Variants in CDYL2 observed in about 807,000 individuals in gnomAD.
CDYL2 encodes chromodomain Y like 2, also known as chromodomain Y-like protein 2.
A neutral mutation model predicts 49.4 loss-of-function variants in CDYL2; 23 were observed. That is an observed-to-expected ratio of 0.47 (90% CI 0.34 to 0.66). The LOEUF (loss-of-function observed/expected upper bound fraction) is 0.66. CDYL2 is among the 30% of genes least tolerant of loss of function. The pLI is 0.01. For synonymous variants in CDYL2, 360 were observed against 268.8 expected (o/e 1.34, Z -3.32); for missense variants, 678 against 656.4 (o/e 1.03, Z -0.36).
intron 1 of CDYL2, among the ~76,000 whole-genome samples, chr16:80,729,336 G>A (rs1292597868): frequency 1.3e-5 from 2 of 151,798 alleles, no homozygotes; most frequent in Non-Finnish European, 2.9e-5. Context: ...AACCAACAAA[G>A]ATCAAAAGAG....
At position 80,605,351 on chromosome 16, in the gene CDYL2, T is replaced by A. The variant is rs541862566; in HGVS notation, c.1363-805A>T. 1.6e-4 allele frequency among the ~76,000 whole-genome samples: 24 copies of A among 148,310 alleles called. No individual in the cohort carries two copies. The South Asian group carries it at 4.2e-3, about 26-fold the overall frequency. ...ATGTATATACACTATAATATATACA[T>A]ATTATATTATGTATATGTATAATAT... On this transcript the variant is annotated intron_variant, in intron 6 of 6. Transcript: ENST00000570137.
Position 80,804,262 on chromosome 16 carries a change from T to C in CDYL2, c.-89A>G. On this transcript the variant is annotated 5_prime_UTR_variant, in exon 1 of 7. Coordinates refer to ENST00000570137, the MANE Select transcript of CDYL2 (RefSeq NM_152342.4). ...GCGCGCGGGGTCCGGTGTGCGCGTG[T>C]GTGTGCGCGCGTGTGTGTGCGAGTG... 1.7e-6 allele frequency: 2 copies of C among 1,186,900 alleles called. No homozygotes were observed. Among genetic ancestry groups the C allele is most frequent in the Non-Finnish European group, 2.2e-6 (2 of 901,180 alleles). The allele number at this position is 1,186,900 out of a possible 1,614,324, so 73.5% of individuals were successfully genotyped here.
rs1023253736 is a variant in CDYL2, at chr16:80,663,084, TA to T, written c.616+21453del. Among the ~76,000 whole-genome samples, 3 of 98,546 alleles carry T rather than the reference TA, an allele frequency of 3.0e-5. No homozygotes were observed. The South Asian group carries it at 9.7e-4, about 32-fold the overall frequency. 64.7% of individuals were successfully genotyped at this position (98,546 alleles called of 152,430 possible). On this transcript the variant is annotated intron_variant, in intron 2 of 6. Coordinates refer to ENST00000570137, the MANE Select transcript of CDYL2 (RefSeq NM_152342.4). Reference sequence around the variant, plus strand: ...AAAAGCAAGAGGCTGGAAGATAGGATAAAAAAATTGTGGTGTTGGGGGTCTC... The same window carrying T: ...AAAAGCAAGAGGCTGGAAGATAGGATAAAAAATTGTGGTGTTGGGGGTCTC...
At chr16:80,712,653 A>T (rs1904659528) in intron 1 of CDYL2, among the ~76,000 whole-genome samples, 1 of 152,068 alleles carries the variant, frequency 6.6e-6, no homozygotes, top group Non-Finnish European at 1.5e-5. Flanking sequence ...AGGAAAACCA[A>T]ACCACAATGG....
At chr16:80,720,022 C>G (rs1904945672) in intron 1 of CDYL2, among the ~76,000 whole-genome samples, 1 of 152,350 alleles carries the variant, frequency 6.6e-6, no homozygotes, top group African/African-American at 2.4e-5. Flanking sequence ...AGTGTCCCCT[C>G]TCCCATGCCT....
At chr16:80,666,245 G>A (rs1048798188) in intron 2 of CDYL2, among the ~76,000 whole-genome samples, 1 of 152,080 alleles carries the variant, frequency 6.6e-6, no homozygotes, top group Admixed American at 6.6e-5. Context: ...CAGTTTCTTC[G>A]CCTCTATGCT....
chr16:80,723,814 G>A (rs937766851), intron 1 of CDYL2, among the ~76,000 whole-genome samples: 1 of 152,084 alleles, frequency 6.6e-6, no homozygotes, highest in Non-Finnish European at 1.5e-5. Flanking sequence ...TAGAAAGTCT[G>A]CCAATTCCTG....
intron 1 of CDYL2, among the ~76,000 whole-genome samples, chr16:80,752,654 T>C (rs1295178318): frequency 6.6e-6 from 1 of 152,206 alleles, no homozygotes; most frequent in Non-Finnish European, 1.5e-5. Context: ...GAAATATCCT[T>C]ATAAAATGAA....
At chr16:80,789,454 G>C (rs1202208772) in intron 1 of CDYL2, among the ~76,000 whole-genome samples, 1 of 152,098 alleles carries the variant, frequency 6.6e-6, no homozygotes, top group Non-Finnish European at 1.5e-5. Flanking sequence ...ACAAAAATTA[G>C]CTGGGCATGG....
At chr16:80,761,848 C>G (rs781266700) in intron 1 of CDYL2, among the ~76,000 whole-genome samples, 1 of 143,686 alleles carries the variant, frequency 7.0e-6, no homozygotes, top group Non-Finnish European at 1.5e-5. Flanking sequence ...CATAAAATAA[C>G]ATGTGAATGT....
intron 1 of CDYL2, among the ~76,000 whole-genome samples, chr16:80,759,281 G>C (rs991523060): frequency 6.6e-6 from 1 of 151,230 alleles, no homozygotes; most frequent in Non-Finnish European, 1.5e-5. Flanking sequence ...GTATATTTGT[G>C]CCTTTTGAAT....
chr16:80,786,276 AAAC>A (rs1250038106), intron 1 of CDYL2, among the ~76,000 whole-genome samples: 1 of 152,268 alleles, frequency 6.6e-6, no homozygotes, highest in African/African-American at 2.4e-5. Context: ...AGAAAAAAGC[AAAC>A]AACCTCAACA....
intron 1 of CDYL2, among the ~76,000 whole-genome samples, chr16:80,687,427 T>C (rs1006254257): frequency 6.6e-6 from 1 of 151,662 alleles, no homozygotes; most frequent in African/African-American, 2.4e-5. Context: ...GATGAATGGA[T>C]AGATGGATGG....
chr16:80,611,182 T>C (rs559774536), intron 5 of CDYL2, among the ~76,000 whole-genome samples: 2 of 152,214 alleles, frequency 1.3e-5, no homozygotes, highest in South Asian at 2.1e-4. Context: ...GACAGAGAGC[T>C]GGGGAATAGA....
At chr16:80,802,368 T>C (rs916267050) in intron 1 of CDYL2, among the ~76,000 whole-genome samples, 9 of 152,144 alleles carry the variant, frequency 5.9e-5, no homozygotes, top group African/African-American at 2.2e-4. Flanking sequence ...CTAAACAATA[T>C]CTACTTTTAG....
chr16:80,641,580 A>G (rs1019881865), intron 2 of CDYL2, among the ~76,000 whole-genome samples: 2 of 152,120 alleles, frequency 1.3e-5, no homozygotes, highest in Admixed American at 1.3e-4. Context: ...AAAAATGAAG[A>G]GTTCATGTCC....
At chr16:80,788,014 T>C (rs377590362) in intron 1 of CDYL2, among the ~76,000 whole-genome samples, 381 of 152,156 alleles carry the variant, frequency 2.5e-3, no homozygotes, top group Non-Finnish European at 3.4e-3. Flanking sequence ...TACATGGTAG[T>C]AAAGGAAAAG....
chr16:80,625,963 A>G (rs1249998865), intron 3 of CDYL2, among the ~76,000 whole-genome samples: 1 of 152,176 alleles, frequency 6.6e-6, no homozygotes, highest in African/African-American at 2.4e-5. Flanking sequence ...AGAAAAAGAA[A>G]CTATATTCAG....
chr16:80,785,251 G>A (rs1907397366), intron 1 of CDYL2, among the ~76,000 whole-genome samples: 1 of 152,166 alleles, frequency 6.6e-6, no homozygotes, highest in African/African-American at 2.4e-5. Context: ...AAGCTGATAA[G>A]CAACTTCAGC....
Sources: allele counts gnomAD v4.1 joint callset (sites outside exome capture counted in the v4.1 genomes callset), GRCh38; gene constraint gnomAD v4.1.1; transcripts MANE v1.5; gene names NCBI Gene and HGNC (gene_info 2026-07-23, HGNC 2026-07-21).